NIBAN3: variants seen among roughly 807,000 people sequenced by gnomAD.
NIBAN3 encodes protein Niban 3.
Under a neutral mutation model 76.4 loss-of-function variants are expected in NIBAN3, and 66 were observed. The observed-to-expected ratio is 0.86, with a 90% CI of 0.71 to 1.06. NIBAN3 has a LOEUF of 1.06. NIBAN3 is among the 50% of genes least tolerant of loss of function. NIBAN3 has a pLI of 0.00. For synonymous variants in NIBAN3, 360 were observed against 355.2 expected (o/e 1.01, Z -0.15); for missense variants, 808 against 810.7 (o/e 1.00, Z 0.04).
intron 12 of NIBAN3, chr19:17,545,637 G>T: frequency 6.2e-6 from 1 of 161,508 alleles, no homozygotes; most frequent in South Asian, 1.6e-4. Context: ...CTCCCTGCCT[G>T]GCAGCTGAGG....
chr19:17,531,373 A>ACAAC (rs2075721495), intron 2 of NIBAN3, among the ~76,000 whole-genome samples: 1 of 132,592 alleles, frequency 7.5e-6, no homozygotes, highest in East Asian at 2.2e-4. Context: ...ACACACACAC[A>ACAAC]ACCATTCACT....
intron 9 of NIBAN3, 65 bp downstream of exon 9, chr19:17,540,647 T>C: frequency 8.3e-7 from 1 of 1,203,820 alleles, no homozygotes; most frequent in Non-Finnish European, 1.1e-6. Context: ...GTCTTTCCTG[T>C]GGAGAATCTT....
intron 14 of NIBAN3, among the ~76,000 whole-genome samples, chr19:17,551,128 G>T (rs1045001902): frequency 6.6e-6 from 1 of 151,346 alleles, no homozygotes; most frequent in Non-Finnish European, 1.5e-5. Flanking sequence ...ATGGAGTGTC[G>T]CTCTGTCACC....
At position 17,539,445 on chromosome 19, in the gene NIBAN3, G is replaced by T; in HGVS notation, c.810G>T (p.Trp270Cys). Reference sequence around the variant, plus strand: ...CAGGCCGCGCCCGCGCCTGGGCCTGGACCGAGGTATGCACGGCGTCCGGAT... The same window carrying T: ...CAGGCCGCGCCCGCGCCTGGGCCTGTACCGAGGTATGCACGGCGTCCGGAT... ...RGAGRARAWAWTELLDAVHAA... is the reference protein window; with the variant it reads ...RGAGRARAWACTELLDAVHAA... The change falls in exon 7 of 15, where the codon TGG becomes TGT. Residue 270 changes from tryptophan to cysteine, a missense_variant. By Grantham distance (215) the Trp-to-Cys change is radical. Coordinates refer to ENST00000599164, the MANE Select transcript of NIBAN3 (RefSeq NM_001321827.2). The T allele has an allele frequency of 6.7e-7, 1 of 1,483,252 alleles. No homozygotes were observed. The highest frequency in any genetic ancestry group is 1.3e-5 in the South Asian group (1 of 75,010). The allele number at this position is 1,483,252 out of a possible 1,614,324, so 91.9% of individuals were successfully genotyped here.
In NIBAN3 at chr19:17,543,358, C is replaced by G; in HGVS notation, c.1371C>G (p.Asp457Glu). 6.3e-7 allele frequency: 1 copy of G among 1,590,572 alleles called. No individual in the cohort carries two copies. The highest frequency in any genetic ancestry group is 8.6e-7 in the Non-Finnish European group (1 of 1,164,866). ...TGGCCACCTTCCTGCAGCTGGCTGA[C>G]CAGTGTCTGACGACGGCCCTCAACT... ...DAVATFLQLA[D>E]QCLTTALNCD... Residue 457 changes from aspartate (D) to glutamate (E), a missense_variant, in exon 11 of 15, where the codon GAC becomes GAG. Transcript: ENST00000599164.
intron 3 of NIBAN3, among the ~76,000 whole-genome samples, chr19:17,533,217 C>G (rs1325031267): frequency 6.6e-6 from 1 of 152,108 alleles, no homozygotes; most frequent in African/African-American, 2.4e-5. Flanking sequence ...CAAGACCAGC[C>G]TGGGCAACAT....
chr19:17,531,835 A>G (rs993257409), intron 2 of NIBAN3, among the ~76,000 whole-genome samples: 8 of 152,242 alleles, frequency 5.3e-5, no homozygotes, highest in African/African-American at 1.7e-4. Flanking sequence ...GCCTCCAGAC[A>G]TCTCTGGAGC....
intron 13 of NIBAN3, among the ~76,000 whole-genome samples, chr19:17,548,189 G>A (rs1015120797): frequency 6.6e-6 from 1 of 152,138 alleles, no homozygotes; most frequent in Non-Finnish European, 1.5e-5. Flanking sequence ...TGCACTGATT[G>A]GGGGGTGAAC....
chr19:17,546,673 G>A lies in NIBAN3; in HGVS notation c.1555-13G>A, dbSNP rs766414627. On this transcript the variant is annotated splice_polypyrimidine_tract_variant and intron_variant, in intron 12 of 14. Coordinates refer to ENST00000599164, the MANE Select transcript of NIBAN3 (RefSeq NM_001321827.2). ...TCCTCTCCATCCGAGCCCCTAACCC[G>A]CCATGGTTCCAGGAGCTGCCTGAGT... 8 of 1,535,914 alleles carry A rather than the reference G, an allele frequency of 5.2e-6. No homozygotes were observed. The highest frequency in any genetic ancestry group is 1.3e-5 in the South Asian group (1 of 79,916).
At chr19:17,536,079 A>G (rs945977706) in intron 4 of NIBAN3, among the ~76,000 whole-genome samples, 2 of 152,200 alleles carry the variant, frequency 1.3e-5, no homozygotes, top group African/African-American at 4.8e-5. Flanking sequence ...ATCTGGAGAA[A>G]TGTCCCCTAA....
chr19:17,549,458 C>T lies in NIBAN3; in HGVS notation c.1681C>T (p.Leu561Phe). 1 of 1,613,418 alleles carries T rather than the reference C, an allele frequency of 6.2e-7. No homozygotes were observed. Among genetic ancestry groups the T allele is most frequent in the Non-Finnish European group, 8.5e-7 (1 of 1,179,508 alleles). ...TCTCATTTCAGAATTGAAAAAGACC[C>T]TTGGTGCCAATGATGTATCCTGCAC... ...QRIDQELKKT[L>F]GANDVSCTLD... Residue 561 changes from leucine to phenylalanine, a missense_variant, in exon 14 of 15, where the codon CTT (leucine) becomes TTT (phenylalanine). Physicochemically the swap from Leu to Phe is conservative, Grantham distance 22. Coordinates refer to ENST00000599164, the MANE Select transcript of NIBAN3 (RefSeq NM_001321827.2).
chr19:17,538,681 A>G (rs994357117), intron 5 of NIBAN3, among the ~76,000 whole-genome samples: 6 of 126,480 alleles, frequency 4.7e-5, no homozygotes, highest in African/African-American at 1.7e-4. Context: ...AAAGAAGGAA[A>G]AAGAAAGGAA....
At chr19:17,528,817 T>C (rs2075658676) in intron 1 of NIBAN3, among the ~76,000 whole-genome samples, 2 of 152,002 alleles carry the variant, frequency 1.3e-5, no homozygotes, top group Admixed American at 6.6e-5. Flanking sequence ...GGGTCTACAT[T>C]CCATGCAGCA....
rs781547069 is a variant in NIBAN3, at chr19:17,553,528, T to A, written c.*1630T>A. The A allele has an allele frequency of 1.2e-5, 19 of 1,614,254 alleles. No individual in the cohort carries two copies. The highest frequency in any genetic ancestry group is 1.7e-5 in the Admixed American group (1 of 60,028). On this transcript the variant is annotated 3_prime_UTR_variant, in exon 15 of 15. Transcript: ENST00000599164. ...CTCCCTGGAGACCGTTTCCTCCCATTCTGTCTGGAGTTTTCGGCCTACCCC... is the reference window on the plus strand; with the variant it reads ...CTCCCTGGAGACCGTTTCCTCCCATACTGTCTGGAGTTTTCGGCCTACCCC...
At chr19:17,535,704 C>A (rs1481953660) in intron 4 of NIBAN3, among the ~76,000 whole-genome samples, 4 of 149,750 alleles carry the variant, frequency 2.7e-5, no homozygotes, top group Admixed American at 2.7e-4. Flanking sequence ...GCCAAGACAG[C>A]GCCACTTTAC....
In NIBAN3 at chr19:17,540,451, C is replaced by T. The variant is rs1161181073; in HGVS notation, c.1039C>T (p.Arg347Trp). 22 of 1,570,466 alleles carry T rather than the reference C, an allele frequency of 1.4e-5. No homozygotes were observed. The highest frequency in any genetic ancestry group is 1.7e-5 in the Non-Finnish European group (20 of 1,158,030). ...LRREVDPQLPRVVQTLLRTVE... is the reference protein window; with the variant it reads ...LRREVDPQLPWVVQTLLRTVE... ...CCGGGAGGTGGACCCGCAGCTGCCC[C>T]GGGTCGTGCAGACCCTGCTGCGCAC... Residue 347 changes from arginine (R) to tryptophan (W), a missense_variant, in exon 9 of 15, where the codon CGG becomes TGG. Transcript: ENST00000599164.
chr19:17,541,511 A>G (rs2075951657), intron 9 of NIBAN3, among the ~76,000 whole-genome samples: 2 of 152,138 alleles, frequency 1.3e-5, no homozygotes, highest in African/African-American at 2.4e-5. Context: ...CCCAGCACAG[A>G]CAGAACATGA....
chr19:17,529,535 A>G (rs998765635), intron 1 of NIBAN3, among the ~76,000 whole-genome samples: 4 of 152,232 alleles, frequency 2.6e-5, no homozygotes, highest in African/African-American at 9.6e-5. Flanking sequence ...TCAAAGAGCT[A>G]GTCACCCATC....
intron 14 of NIBAN3, among the ~76,000 whole-genome samples, chr19:17,550,596 G>C (rs1374213710): frequency 6.6e-6 from 1 of 152,138 alleles, no homozygotes; most frequent in African/African-American, 2.4e-5. Context: ...GAGCCGTGGA[G>C]ATGGGGTGGC....
Sources: gnomAD v4.1 joint callset for allele counts (sites outside exome capture counted in the v4.1 genomes callset) on GRCh38, gnomAD v4.1.1 for gene constraint, MANE v1.5 for transcripts, NCBI Gene and HGNC (gene_info 2026-07-23, HGNC 2026-07-21) for gene names.